KCNJ6: variants seen among roughly 807,000 people sequenced by gnomAD.
The protein encoded by KCNJ6 is potassium inwardly rectifying channel subfamily J member 6, also known as G protein-activated inward rectifier potassium channel 2.
A neutral mutation model predicts 34.2 loss-of-function variants in KCNJ6; 9 were observed. That is an observed-to-expected ratio of 0.26 (90% CI 0.16 to 0.46). The LOEUF is 0.46. Among genes scored for constraint, KCNJ6 ranks in the 20% least tolerant of loss-of-function variants. The probability of loss-of-function intolerance (pLI) is 1.00; values close to 1 mark genes in which losing one functional copy is unlikely to be tolerated. For missense variants in KCNJ6, 236 were observed against 531.3 expected (o/e 0.44, Z 5.46); for synonymous variants, 196 against 207.1 (o/e 0.95, Z 0.46).
At chr21:37,819,951 AT>A (rs35489711) in intron 2 of KCNJ6, among the ~76,000 whole-genome samples, 27 of 151,232 alleles carry the variant, frequency 1.8e-4, no homozygotes, top group Non-Finnish European at 3.7e-4. Context: ...CACCTGGCTA[AT>A]TTTTTTTGTA....
intron 2 of KCNJ6, among the ~76,000 whole-genome samples, chr21:37,831,041 C>T (rs2055423416): frequency 6.6e-6 from 1 of 152,108 alleles, no homozygotes; most frequent in African/African-American, 2.4e-5. Flanking sequence ...GAAGGGAGAG[C>T]AGGCAAGGCG....
At chr21:37,721,699 T>C (rs1203887228) in intron 2 of KCNJ6, among the ~76,000 whole-genome samples, 1 of 152,222 alleles carries the variant, frequency 6.6e-6, no homozygotes, top group Non-Finnish European at 1.5e-5. Flanking sequence ...GAAATTCTGA[T>C]ACAGGCTACA....
intron 2 of KCNJ6, among the ~76,000 whole-genome samples, chr21:37,770,147 G>A (rs555878021): frequency 3.5e-4 from 54 of 152,316 alleles, no homozygotes; most frequent in African/African-American, 1.2e-3. Context: ...TGGCCAGTAG[G>A]AGCTGCACTT....
Position 37,613,347 on chromosome 21 carries a change from A to G in KCNJ6, c.*11812T>C, listed in dbSNP as rs58805572. The G allele has an allele frequency of 0.074, 11,217 of 152,346 alleles. 504 individuals carry two copies. The highest frequency in any genetic ancestry group is 0.2 in the South Asian group (963 of 4,822). 9.4% of individuals were successfully genotyped at this position (152,346 alleles called of 1,614,324 possible). On this transcript the variant is annotated 3_prime_UTR_variant, in exon 4 of 4. Transcript: ENST00000609713. Reference sequence around the variant, plus strand: ...CTCATTCATCGCTAGTGGAATGCAAAACAGTACAGCCACTTTGGAAGGCAG... The same window carrying G: ...CTCATTCATCGCTAGTGGAATGCAAGACAGTACAGCCACTTTGGAAGGCAG...
intron 2 of KCNJ6, among the ~76,000 whole-genome samples, chr21:37,819,492 T>A (rs1280103283): frequency 6.6e-6 from 1 of 152,096 alleles, no homozygotes; most frequent in African/African-American, 2.4e-5. Context: ...AAGGACATTA[T>A]GTATTTAAGG....
At chr21:37,869,593 T>C (rs2055639930) in intron 1 of KCNJ6, among the ~76,000 whole-genome samples, 1 of 152,234 alleles carries the variant, frequency 6.6e-6, no homozygotes, top group Non-Finnish European at 1.5e-5. Context: ...AATTTCTACC[T>C]GCGATGTAGG....
At chr21:37,734,201 C>T (rs548809407) in intron 2 of KCNJ6, among the ~76,000 whole-genome samples, 1 of 152,254 alleles carries the variant, frequency 6.6e-6, no homozygotes, top group Admixed American at 6.5e-5. Flanking sequence ...TATCATTTTT[C>T]TTCTCAAAAT....
chr21:37,697,401 C>T (rs536403566), intron 3 of KCNJ6, among the ~76,000 whole-genome samples: 3 of 152,244 alleles, frequency 2.0e-5, no homozygotes, highest in Admixed American at 2.0e-4. Flanking sequence ...GTGGGAAAGA[C>T]AGAGAACAAA....
intron 2 of KCNJ6, among the ~76,000 whole-genome samples, chr21:37,729,338 G>T (rs957157292): frequency 2.0e-5 from 3 of 151,910 alleles, no homozygotes; most frequent in South Asian, 2.1e-4. Flanking sequence ...TCTTTTTGGG[G>T]GGGGGGGCAG....
chr21:37,647,402 CT>C (rs1225375386), intron 3 of KCNJ6, among the ~76,000 whole-genome samples: 1 of 152,148 alleles, frequency 6.6e-6, no homozygotes, highest in African/African-American at 2.4e-5. Context: ...GGGTTAGTGT[CT>C]TAACCATGTC....
At chr21:37,694,683 C>T (rs562005403) in intron 3 of KCNJ6, among the ~76,000 whole-genome samples, 9 of 152,250 alleles carry the variant, frequency 5.9e-5, no homozygotes, top group East Asian at 1.9e-4. Flanking sequence ...AAGTACTTTG[C>T]GTAATGTCAT....
intron 3 of KCNJ6, among the ~76,000 whole-genome samples, chr21:37,658,220 C>G (rs921879359): frequency 6.6e-6 from 1 of 152,200 alleles, no homozygotes; most frequent in Non-Finnish European, 1.5e-5. Context: ...CAGAGCACCT[C>G]AAGCATACAG....
chr21:37,657,057 G>A (rs1020790249), intron 3 of KCNJ6, among the ~76,000 whole-genome samples: 3 of 152,118 alleles, frequency 2.0e-5, no homozygotes, highest in Admixed American at 2.0e-4. Context: ...AGGGTGTCCT[G>A]CCCTGGTACC....
chr21:37,773,434 C>T (rs62221964), intron 2 of KCNJ6, among the ~76,000 whole-genome samples: 28,674 of 152,012 alleles, frequency 0.19, 2,988 homozygotes, highest in South Asian at 0.25. Context: ...AGCTGCTATT[C>T]TCTCCTTCTT....
intron 2 of KCNJ6, among the ~76,000 whole-genome samples, chr21:37,755,992 A>G (rs1359008095): frequency 6.6e-6 from 1 of 152,238 alleles, no homozygotes; most frequent in African/African-American, 2.4e-5. Context: ...AGAAAAATCA[A>G]CACCAAATGG....
chr21:37,659,669 C>G (rs529665258), intron 3 of KCNJ6, among the ~76,000 whole-genome samples: 1 of 152,312 alleles, frequency 6.6e-6, no homozygotes, highest in Non-Finnish European at 1.5e-5. Flanking sequence ...GCTATAGCCT[C>G]AATTTCCCCA....
At chr21:37,753,996 T>C (rs1358557691) in intron 2 of KCNJ6, among the ~76,000 whole-genome samples, 4 of 152,118 alleles carry the variant, frequency 2.6e-5, no homozygotes, top group African/African-American at 9.7e-5. Flanking sequence ...CCTTGTGGGG[T>C]CTGAAATCAA....
intron 3 of KCNJ6, among the ~76,000 whole-genome samples, chr21:37,681,358 C>G (rs1601416849): frequency 6.6e-6 from 1 of 152,164 alleles, no homozygotes; most frequent in Admixed American, 6.5e-5. Flanking sequence ...GAAAGATGAT[C>G]TAGAAATAGT....
intron 3 of KCNJ6, among the ~76,000 whole-genome samples, chr21:37,712,519 T>TCC (rs1237860397): frequency 3.8e-5 from 3 of 79,964 alleles, no homozygotes; most frequent in African/African-American, 1.6e-4. Context: ...CTCCTCTCCT[T>TCC]CCTCCCTTTC....
Sources: gnomAD v4.1 joint callset for allele counts (sites outside exome capture counted in the v4.1 genomes callset) on GRCh38, gnomAD v4.1.1 for gene constraint, MANE v1.5 for transcripts, NCBI Gene and HGNC (gene_info 2026-07-23, HGNC 2026-07-21) for gene names.